Variants in GPC6 observed in about 807,000 individuals in gnomAD.
GPC6 encodes the protein glypican-6.
A neutral mutation model predicts 55.2 loss-of-function variants in GPC6; 14 were observed. The observed-to-expected ratio is 0.25, with a 90% CI of 0.17 to 0.40. GPC6 has a LOEUF of 0.40. Among genes scored for constraint, GPC6 ranks in the 10% least tolerant of loss-of-function variants. GPC6 has a pLI of 1.00. For missense variants in GPC6, 641 were observed against 708.5 expected, an observed-to-expected ratio of 0.90 and a Z score of 1.08; for synonymous variants, 278 against 259.6, an observed-to-expected ratio of 1.07 and a Z score of -0.68.
At chr13:94,189,347 C>G (rs1187173705) in intron 4 of GPC6, among the ~76,000 whole-genome samples, 2 of 152,114 alleles carry the variant, frequency 1.3e-5, no homozygotes, top group Admixed American at 1.3e-4. Context: ...AGCTGAGAAA[C>G]GAGGACTGTG....
intron 2 of GPC6, among the ~76,000 whole-genome samples, chr13:93,596,758 A>G (rs925376036): frequency 1.3e-5 from 2 of 148,478 alleles, no homozygotes; most frequent in African/African-American, 4.9e-5. Context: ...GTATATATGT[A>G]TATGTGTATA....
chr13:93,477,065 G>C (rs1879327324), intron 1 of GPC6, among the ~76,000 whole-genome samples: 1 of 152,036 alleles, frequency 6.6e-6, no homozygotes, highest in Admixed American at 6.5e-5. Flanking sequence ...GGAAAGTTTT[G>C]ATGAAAAACA....
At chr13:93,477,056 G>A (rs1879326884) in intron 1 of GPC6, among the ~76,000 whole-genome samples, 1 of 152,012 alleles carries the variant, frequency 6.6e-6, no homozygotes, top group Non-Finnish European at 1.5e-5. Flanking sequence ...ATATTCTGAG[G>A]AAAGTTTTGA....
chr13:93,750,648 G>A (rs1011282303), intron 2 of GPC6, among the ~76,000 whole-genome samples: 10 of 152,172 alleles, frequency 6.6e-5, no homozygotes, highest in African/African-American at 2.4e-4. Flanking sequence ...GTTCTCAGCA[G>A]ATTAGCTTAA....
chr13:94,345,650 T>C (rs1010729324), intron 6 of GPC6, among the ~76,000 whole-genome samples: 1 of 152,184 alleles, frequency 6.6e-6, no homozygotes, highest in African/African-American at 2.4e-5. Flanking sequence ...GCTCTGGGAA[T>C]CAAGAGGTAC....
At chr13:93,446,818 T>C (rs1878023104) in intron 1 of GPC6, among the ~76,000 whole-genome samples, 1 of 152,250 alleles carries the variant, frequency 6.6e-6, no homozygotes, top group Admixed American at 6.5e-5. Context: ...AGCTTTATTT[T>C]TTAAACTGTT....
intron 1 of GPC6, among the ~76,000 whole-genome samples, chr13:93,359,435 G>A (rs1480317617): frequency 6.6e-6 from 1 of 152,030 alleles, no homozygotes; most frequent in African/African-American, 2.4e-5. Context: ...TTCTGTGCCT[G>A]TGTATCCATG....
At chr13:94,055,718 G>A (rs949788685) in intron 4 of GPC6, among the ~76,000 whole-genome samples, 1 of 152,076 alleles carries the variant, frequency 6.6e-6, no homozygotes, top group Admixed American at 6.6e-5. Context: ...TCTCCAATAA[G>A]CCCAACTCAG....
chr13:93,574,956 T>C (rs953633345), intron 2 of GPC6, among the ~76,000 whole-genome samples: 1 of 152,274 alleles, frequency 6.6e-6, no homozygotes, highest in Admixed American at 6.5e-5. Context: ...CCCAGGGAAG[T>C]GCTTAATGTA....
At chr13:93,839,403 G>A (rs1208849170) in intron 3 of GPC6, among the ~76,000 whole-genome samples, 1 of 152,110 alleles carries the variant, frequency 6.6e-6, no homozygotes, top group East Asian at 1.9e-4. Flanking sequence ...AATTTGCATG[G>A]TGAGGCTCCT....
At chr13:93,579,113 A>G (rs9556309) in intron 2 of GPC6, among the ~76,000 whole-genome samples, 28,432 of 152,018 alleles carry the variant, frequency 0.19, 4,021 homozygotes, top group East Asian at 0.43. Context: ...GAAGAGAGGA[A>G]TTGAAAAGAG....
At chr13:94,067,250 CTT>C (rs747931412) in intron 4 of GPC6, among the ~76,000 whole-genome samples, 6 of 152,194 alleles carry the variant, frequency 3.9e-5, no homozygotes, top group South Asian at 4.1e-4. Context: ...GCTTGAATAA[CTT>C]ATTCATACAT....
chr13:93,992,937 A>G (rs573724121), intron 3 of GPC6, among the ~76,000 whole-genome samples: 5 of 152,316 alleles, frequency 3.3e-5, no homozygotes, highest in Admixed American at 2.0e-4. Flanking sequence ...CTCCTTAGTT[A>G]ATATTAGCAG....
chr13:93,998,498 C>T (rs1881655967), intron 3 of GPC6, among the ~76,000 whole-genome samples: 1 of 152,012 alleles, frequency 6.6e-6, no homozygotes, highest in Admixed American at 6.6e-5. Flanking sequence ...TCTTTACTTC[C>T]CTCTGCTATC....
intron 2 of GPC6, among the ~76,000 whole-genome samples, chr13:93,724,640 T>C (rs1368785672): frequency 6.6e-6 from 1 of 152,064 alleles, no homozygotes; most frequent in Non-Finnish European, 1.5e-5. Flanking sequence ...TGCCCAGATT[T>C]AGAAGTAATC....
intron 4 of GPC6, among the ~76,000 whole-genome samples, chr13:94,285,989 GT>G (rs1021199525): frequency 1.7e-4 from 26 of 152,226 alleles, no homozygotes; most frequent in African/African-American, 6.0e-4. Context: ...CATATTCTCA[GT>G]TTTCCCCAGA....
intron 3 of GPC6, among the ~76,000 whole-genome samples, chr13:93,921,632 G>T (rs1877576192): frequency 6.6e-6 from 1 of 151,434 alleles, no homozygotes; most frequent in South Asian, 2.1e-4. Flanking sequence ...CTTCTCTGTT[G>T]CACTGCTCTA....
At chr13:93,790,640 A>C (rs761539124) in intron 2 of GPC6, among the ~76,000 whole-genome samples, 2 of 152,216 alleles carry the variant, frequency 1.3e-5, no homozygotes, top group Non-Finnish European at 2.9e-5. Context: ...AATTTACCAT[A>C]GGCCTAATGT....
chr13:93,762,796 G>A (rs1018127496), intron 2 of GPC6, among the ~76,000 whole-genome samples: 4 of 152,256 alleles, frequency 2.6e-5, no homozygotes, highest in East Asian at 1.9e-4. Flanking sequence ...CAATTTACTC[G>A]TTGAATGATT....
Sources: gnomAD v4.1 joint callset for allele counts (sites outside exome capture counted in the v4.1 genomes callset) on GRCh38, gnomAD v4.1.1 for gene constraint, MANE v1.5 for transcripts, NCBI Gene and HGNC (gene_info 2026-07-23, HGNC 2026-07-21) for gene names.